ZSWIM6: variants seen among roughly 807,000 people sequenced by gnomAD.
ZSWIM6 encodes zinc finger SWIM domain-containing protein 6.
Under a neutral mutation model 113.2 loss-of-function variants are expected in ZSWIM6, and 9 were observed. The observed-to-expected ratio is 0.08, with a 90% CI of 0.05 to 0.14. The LOEUF (loss-of-function observed/expected upper bound fraction) is 0.14, where lower values mean the gene tolerates loss of function less well. ZSWIM6 is among the 10% of genes least tolerant of loss of function. ZSWIM6 has a pLI of 1.00. For synonymous variants in ZSWIM6, 611 were observed against 606.5 expected (o/e 1.01, Z -0.11); for missense variants, 1,162 against 1,552.2 (o/e 0.75, Z 4.22).
intron 1 of ZSWIM6, among the ~76,000 whole-genome samples, chr5:61,333,535 G>A (rs941002703): frequency 5.3e-5 from 8 of 152,042 alleles, no homozygotes; most frequent in African/African-American, 1.9e-4. Flanking sequence ...CGGGCGAGCG[G>A]CCGCGGCGCT....
chr5:61,535,036 GA>G (rs1749539519), intron 9 of ZSWIM6, among the ~76,000 whole-genome samples: 1 of 152,130 alleles, frequency 6.6e-6, no homozygotes, highest in Admixed American at 6.5e-5. Flanking sequence ...CCATTTTCTG[GA>G]AACCTGGCAT....
intron 4 of ZSWIM6, among the ~76,000 whole-genome samples, chr5:61,504,861 A>G (rs761322536): frequency 2.0e-5 from 3 of 152,114 alleles, no homozygotes; most frequent in Non-Finnish European, 2.9e-5. Context: ...AGTGCCCTCA[A>G]TTGTAGGCTC....
At chr5:61,334,182 C>T (rs1016372496) in intron 1 of ZSWIM6, among the ~76,000 whole-genome samples, 1 of 152,156 alleles carries the variant, frequency 6.6e-6, no homozygotes, top group African/African-American at 2.4e-5. Context: ...TGAGAGTTTT[C>T]TCAAATACCT....
intron 1 of ZSWIM6, among the ~76,000 whole-genome samples, chr5:61,421,248 C>T (rs1185736621): frequency 1.3e-5 from 2 of 151,950 alleles, no homozygotes; most frequent in Non-Finnish European, 2.9e-5. Flanking sequence ...TGTTTTTGTA[C>T]CCATTAACCA....
At chr5:61,496,462 A>G (rs1748317226) in intron 4 of ZSWIM6, among the ~76,000 whole-genome samples, 8 of 152,178 alleles carry the variant, frequency 5.3e-5, no homozygotes. Context: ...TCTTCTTAAT[A>G]AAATGGGGGA....
chr5:61,375,895 A>G (rs201097712), intron 1 of ZSWIM6: 336 of 854,912 alleles, frequency 3.9e-4, no homozygotes, highest in Admixed American at 1.7e-3. Flanking sequence ...AGAAAGTGCA[A>G]TGTCTGAGGA....
intron 7 of ZSWIM6, among the ~76,000 whole-genome samples, chr5:61,527,895 C>T (rs1428050266): frequency 6.6e-6 from 1 of 152,002 alleles, no homozygotes; most frequent in Non-Finnish European, 1.5e-5. Flanking sequence ...AACTAATGTT[C>T]CTAAACATGT....
chr5:61,444,509 TG>T (rs1746908910), intron 1 of ZSWIM6, among the ~76,000 whole-genome samples: 1 of 152,184 alleles, frequency 6.6e-6, no homozygotes, highest in East Asian at 1.9e-4. Flanking sequence ...TCTAGATCCC[TG>T]AGAAATCGCC....
At position 61,459,047 on chromosome 5, in the gene ZSWIM6, C is replaced by T. The variant is rs1354831628; in HGVS notation, c.677-13634C>T. Among the ~76,000 whole-genome samples the T allele has an allele frequency of 2.0e-5, 3 of 152,142 alleles. No homozygotes were observed. The East Asian group carries it at 5.8e-4, about 29-fold the overall frequency. On this transcript the variant is annotated intron_variant, in intron 1 of 13. Coordinates refer to ENST00000252744, the MANE Select transcript of ZSWIM6 (RefSeq NM_020928.2). ...ATTCTGAAGCCTAAGCCACTATGTA[C>T]ATAATTGCTACTTAATTAGCACTCT...
chr5:61,495,665 G>T (rs973218633), intron 4 of ZSWIM6, among the ~76,000 whole-genome samples: 1 of 152,094 alleles, frequency 6.6e-6, no homozygotes, highest in African/African-American at 2.4e-5. Flanking sequence ...ATGATGTTTG[G>T]GGGGCACAGT....
At chr5:61,417,110 C>T (rs558193354) in intron 1 of ZSWIM6, among the ~76,000 whole-genome samples, 5 of 152,182 alleles carry the variant, frequency 3.3e-5, no homozygotes, top group Admixed American at 6.5e-5. Flanking sequence ...TCATTGCACT[C>T]CAGCCTGGGC....
chr5:61,391,238 C>G (rs1209382920), intron 1 of ZSWIM6: 3 of 909,914 alleles, frequency 3.3e-6, no homozygotes, highest in African/African-American at 1.6e-5. Context: ...TTGTCCTGCT[C>G]AAACACTTGG....
intron 1 of ZSWIM6, among the ~76,000 whole-genome samples, chr5:61,399,231 G>GTTTTT (rs35540556): frequency 1.6e-4 from 19 of 117,978 alleles, no homozygotes; most frequent in African/African-American, 5.3e-4. Flanking sequence ...GGCTGTGTAT[G>GTTTTT]TTTTTTTTTT....
chr5:61,434,334 GT>G (rs1322542628), intron 1 of ZSWIM6, among the ~76,000 whole-genome samples: 1 of 151,574 alleles, frequency 6.6e-6, no homozygotes, highest in African/African-American at 2.4e-5. Context: ...GGAACAGGTG[GT>G]TTTTGGTTAC....
chr5:61,446,073 G>A (rs1389707429), intron 1 of ZSWIM6, among the ~76,000 whole-genome samples: 1 of 152,034 alleles, frequency 6.6e-6, no homozygotes. Flanking sequence ...TACTCTTGTC[G>A]CCAGGCTGAG....
At chr5:61,508,083 A>G (rs1748674471) in intron 4 of ZSWIM6, among the ~76,000 whole-genome samples, 1 of 152,188 alleles carries the variant, frequency 6.6e-6, no homozygotes, top group South Asian at 2.1e-4. Context: ...TTCCTTATCT[A>G]TAAAGCGGGC....
chr5:61,421,476 A>C (rs2112124972), intron 1 of ZSWIM6, among the ~76,000 whole-genome samples: 1 of 152,276 alleles, frequency 6.6e-6, no homozygotes, highest in East Asian at 1.9e-4. Context: ...TCCATTGTGC[A>C]TATGTATCAC....
At chr5:61,459,652 C>G (rs530949365) in intron 1 of ZSWIM6, among the ~76,000 whole-genome samples, 1 of 152,260 alleles carries the variant, frequency 6.6e-6, no homozygotes, top group Non-Finnish European at 1.5e-5. Flanking sequence ...TTTCATTTAA[C>G]CTTGTATTAA....
chr5:61,391,026 C>T, intron 1 of ZSWIM6: 1 of 749,172 alleles, frequency 1.3e-6, no homozygotes, highest in Non-Finnish European at 2.5e-6. Flanking sequence ...TCTTATAGAT[C>T]TTGTTGATCT....
Sources: gnomAD v4.1 joint callset for allele counts (sites outside exome capture counted in the v4.1 genomes callset) on GRCh38, gnomAD v4.1.1 for gene constraint, MANE v1.5 for transcripts, NCBI Gene and HGNC (gene_info 2026-07-23, HGNC 2026-07-21) for gene names.